EIPR1: variants seen among roughly 807,000 people sequenced by gnomAD.
EIPR1 encodes EARP and GARP complex-interacting protein 1.
Under a neutral mutation model 48.1 loss-of-function variants are expected in EIPR1, and 25 were observed. That is an observed-to-expected ratio of 0.52 (90% CI 0.38 to 0.73). The LOEUF is 0.73. Among genes scored for constraint, EIPR1 ranks in the 30% least tolerant of loss-of-function variants. EIPR1 has a pLI of 0.00. For missense variants in EIPR1, 415 were observed against 506.2 expected (o/e 0.82, Z 1.73); for synonymous variants, 204 against 201.9 (o/e 1.01, Z -0.09).
rs1012227071 is a variant in EIPR1 at position 3,332,052 on chromosome 2, C to T, written c.259+5965G>A. The stretch of plus-strand genomic sequence containing the variant: ...GTGTCAGCAGAGGCAGGTGTGTATA[C>T]ACTCATGAGATGGTGTCAGCAGAGG... On this transcript the variant is annotated intron_variant, in intron 3 of 8. Coordinates refer to ENST00000382125, the MANE Select transcript of EIPR1 (RefSeq NM_003310.5). Among the ~76,000 whole-genome samples, 54 of 144,002 alleles carry T rather than the reference C, an allele frequency of 3.7e-4. 1 individual carries two copies. In the South Asian group the frequency reaches 9.7e-3, roughly 26 times the overall value. 94.5% of individuals were successfully genotyped at this position (144,002 alleles called of 152,430 possible).
intron 4 of EIPR1, among the ~76,000 whole-genome samples, chr2:3,233,830 G>A (rs1462640299): frequency 1.3e-5 from 2 of 152,228 alleles, no homozygotes; most frequent in Non-Finnish European, 2.9e-5. Context: ...CAGCAATAGA[G>A]AAGTTACTTA....
chr2:3,229,461 GCT>G (rs1322184921), intron 4 of EIPR1, among the ~76,000 whole-genome samples: 1 of 152,226 alleles, frequency 6.6e-6, no homozygotes, highest in East Asian at 1.9e-4. Flanking sequence ...ATTTTCAACA[GCT>G]TTGAGCTTGG....
At chr2:3,306,259 T>A (rs931417580) in intron 3 of EIPR1, among the ~76,000 whole-genome samples, 4 of 152,204 alleles carry the variant, frequency 2.6e-5, no homozygotes, top group African/African-American at 7.2e-5. Context: ...TGGGTTTCTA[T>A]GGATATTTGG....
intron 7 of EIPR1, among the ~76,000 whole-genome samples, chr2:3,193,758 C>T (rs1419580105): frequency 6.6e-6 from 1 of 152,332 alleles, no homozygotes; most frequent in Admixed American, 6.5e-5. Context: ...TTTTTGTATA[C>T]TTGAACCAGC....
chr2:3,372,562 C>T (rs933656909), intron 1 of EIPR1, among the ~76,000 whole-genome samples: 6 of 152,190 alleles, frequency 3.9e-5, no homozygotes, highest in African/African-American at 1.2e-4. Flanking sequence ...CCACCAATCC[C>T]ACAGAAATAC....
intron 1 of EIPR1, among the ~76,000 whole-genome samples, chr2:3,375,466 G>A (rs1659845264): frequency 6.6e-6 from 1 of 152,102 alleles, no homozygotes; most frequent in Admixed American, 6.6e-5. Context: ...AAAATCCTCT[G>A]GGTTTTTTGA....
chr2:3,245,707 T>C (rs1666774878), intron 4 of EIPR1, among the ~76,000 whole-genome samples: 3 of 152,200 alleles, frequency 2.0e-5, no homozygotes, highest in Admixed American at 2.0e-4. Context: ...TGTGAGGCAC[T>C]TCACACCTAA....
chr2:3,253,467 T>C (rs961274549), intron 4 of EIPR1, among the ~76,000 whole-genome samples: 2 of 152,216 alleles, frequency 1.3e-5, no homozygotes, highest in Non-Finnish European at 2.9e-5. Flanking sequence ...GTGGACACCA[T>C]GTAGAGGCCC....
At chr2:3,336,151 G>A (rs914440290) in intron 3 of EIPR1, among the ~76,000 whole-genome samples, 3 of 152,158 alleles carry the variant, frequency 2.0e-5, no homozygotes, top group Non-Finnish European at 2.9e-5. Flanking sequence ...AAGGATGAAG[G>A]GGGCAGTCCC....
chr2:3,194,311 C>G, intron 6 of EIPR1, 145 bp from the exon 7 acceptor site: 1 of 944,868 alleles, frequency 1.1e-6, no homozygotes. Context: ...TCCTGCCCTG[C>G]AGGAAGAGGC....
chr2:3,325,372 A>G (rs1440023086), intron 3 of EIPR1, among the ~76,000 whole-genome samples: 1 of 152,188 alleles, frequency 6.6e-6, no homozygotes, highest in Non-Finnish European at 1.5e-5. Context: ...GGTGAAAAGG[A>G]GGTGGGGTCT....
intron 8 of EIPR1, among the ~76,000 whole-genome samples, chr2:3,191,170 A>G (rs62118985): frequency 0.61 from 10,687 of 17,564 alleles, 3,632 homozygotes; most frequent in Non-Finnish European, 0.71. Flanking sequence ...GAAAGGGTCC[A>G]AAGACAGAGA....
At chr2:3,234,970 T>C (rs1240804576) in intron 4 of EIPR1, among the ~76,000 whole-genome samples, 4 of 152,256 alleles carry the variant, frequency 2.6e-5, no homozygotes, top group African/African-American at 9.6e-5. Flanking sequence ...GGATAGGAAC[T>C]TGACTCCTCA....
intron 3 of EIPR1, among the ~76,000 whole-genome samples, chr2:3,317,810 T>C (rs1388720072): frequency 1.3e-5 from 2 of 152,128 alleles, no homozygotes; most frequent in Non-Finnish European, 2.9e-5. Flanking sequence ...AGAGGCCACA[T>C]GATGCCACGG....
chr2:3,300,499 C>T (rs1472912258), intron 3 of EIPR1, among the ~76,000 whole-genome samples: 1 of 152,222 alleles, frequency 6.6e-6, no homozygotes, highest in Non-Finnish European at 1.5e-5. Context: ...TCCCAGCAGT[C>T]TCGCCTCAAT....
At chr2:3,325,266 C>T (rs755031561) in intron 3 of EIPR1, among the ~76,000 whole-genome samples, 31 of 152,232 alleles carry the variant, frequency 2.0e-4, no homozygotes, top group Non-Finnish European at 3.2e-4. Context: ...CCCTGTGCAG[C>T]GAGCCTGTGC....
chr2:3,229,334 T>C (rs1238001408), intron 4 of EIPR1, among the ~76,000 whole-genome samples: 2 of 152,224 alleles, frequency 1.3e-5, no homozygotes, highest in Non-Finnish European at 1.5e-5. Flanking sequence ...CTAACACAGT[T>C]GTTCTCTCCT....
At chr2:3,295,460 C>A (rs1185656733) in intron 3 of EIPR1, among the ~76,000 whole-genome samples, 2 of 138,412 alleles carry the variant, frequency 1.4e-5, no homozygotes, top group Non-Finnish European at 3.1e-5. Flanking sequence ...CCAGCCCATC[C>A]TCTCTCTACA....
chr2:3,325,045 T>G (rs1422229945), intron 3 of EIPR1, among the ~76,000 whole-genome samples: 2 of 152,106 alleles, frequency 1.3e-5, no homozygotes, highest in African/African-American at 4.8e-5. Flanking sequence ...CCTGATCAGT[T>G]CTGTCTTTTA....
Sources: allele counts gnomAD v4.1 joint callset (sites outside exome capture counted in the v4.1 genomes callset), GRCh38; gene constraint gnomAD v4.1.1; transcripts MANE v1.5; gene names NCBI Gene and HGNC (gene_info 2026-07-23, HGNC 2026-07-21).